Variants in MSRA observed in about 807,000 individuals in gnomAD.
The protein encoded by MSRA is methionine sulfoxide reductase A.
Under a neutral mutation model 31.3 loss-of-function variants are expected in MSRA, and 54 were observed. The observed-to-expected ratio is 1.73, with a 90% confidence interval of 1.39 to 2.17. The LOEUF is 2.17. Among genes scored for constraint, MSRA ranks in the 30% most tolerant of loss-of-function variants. The probability of loss-of-function intolerance (pLI) is 0.00; values close to 1 mark genes in which losing one functional copy is unlikely to be tolerated. For missense variants in MSRA, 507 were observed against 300.9 expected, an observed-to-expected ratio of 1.69 and a Z score of -5.07; for synonymous variants, 169 against 116.5, an observed-to-expected ratio of 1.45 and a Z score of -2.90.
At position 10,330,006 on chromosome 8, in the gene MSRA, A is replaced by ATGTGTGTGTGTG. The variant is rs72198519; in HGVS notation, c.543+10044_543+10055dup. Among the ~76,000 whole-genome samples, 646 of 135,460 alleles carry ATGTGTGTGTGTG rather than the reference A, an allele frequency of 4.8e-3. 8 individuals are homozygous for ATGTGTGTGTGTG. Among genetic ancestry groups the ATGTGTGTGTGTG allele is most frequent in the Non-Finnish European group, 6.9e-3 (437 of 63,694 alleles). The allele number at this position is 135,460 out of a possible 152,430, so 88.9% of individuals were successfully genotyped here. A position where few individuals can be genotyped will look rare whatever the true frequency, so the allele number is the denominator to read the frequency against. ...AGAAGGATATTTGGGAGAGAAAAAA[A>ATGTGTGTGTGTG]TGTGTGTGTGTGTGTGTGTGTGTGT... On this transcript the variant is annotated intron_variant, in intron 5 of 5. Transcript: ENST00000317173.
intron 3 of MSRA, among the ~76,000 whole-genome samples, chr8:10,263,492 G>A (rs1250589581): frequency 6.6e-6 from 1 of 152,226 alleles, no homozygotes; most frequent in African/African-American, 2.4e-5. Context: ...TGAAAACCCT[G>A]TATCTCCCTA....
chr8:10,198,938 A>G (rs1808238507), intron 1 of MSRA, among the ~76,000 whole-genome samples: 1 of 152,176 alleles, frequency 6.6e-6, no homozygotes, highest in African/African-American at 2.4e-5. Flanking sequence ...AGCTTGTCTC[A>G]CTGAAGCCTG....
At chr8:10,112,376 T>C (rs1800353182) in intron 1 of MSRA, among the ~76,000 whole-genome samples, 1 of 152,244 alleles carries the variant, frequency 6.6e-6, no homozygotes, top group Non-Finnish European at 1.5e-5. Context: ...TATAGAAGGC[T>C]ACCTCTCTCA....
At chr8:10,212,836 A>G (rs1376495785) in intron 2 of MSRA, among the ~76,000 whole-genome samples, 1 of 152,208 alleles carries the variant, frequency 6.6e-6, no homozygotes, top group Non-Finnish European at 1.5e-5. Flanking sequence ...ACACTGAAAC[A>G]TTTAAAAAAA....
At chr8:10,313,045 A>G (rs7829471) in intron 4 of MSRA, among the ~76,000 whole-genome samples, 3,634 of 152,278 alleles carry the variant, frequency 0.024, 100 homozygotes, top group African/African-American at 0.064. Context: ...ATGTATGCTG[A>G]TTGAAAAATC....
intron 2 of MSRA, among the ~76,000 whole-genome samples, chr8:10,227,018 C>T (rs1167607520): frequency 6.6e-6 from 1 of 152,178 alleles, no homozygotes; most frequent in Non-Finnish European, 1.5e-5. Context: ...GAGCAGAGGT[C>T]ATTCTGTCTA....
intron 1 of MSRA, among the ~76,000 whole-genome samples, chr8:10,186,737 C>T (rs1379840994): frequency 6.6e-6 from 1 of 151,976 alleles, no homozygotes; most frequent in Non-Finnish European, 1.5e-5. Flanking sequence ...ATGGGTGGGG[C>T]GGGGAGAGGT....
rs767923069 is a variant in MSRA, at chr8:10,245,215, T to C, written c.323T>C (p.Val108Ala). Residue 108 changes from valine (V) to alanine (A), a missense_variant, in exon 3 of 6, where the codon GTC (valine) becomes GCC (alanine). Coordinates refer to ENST00000317173, the MANE Select transcript of MSRA (RefSeq NM_012331.5). ...ACTTCAAATCCTACTTATAAAGAAG[T>C]CTGCTCAGGTAGGAAGAATTTGCTT... ...GYTSNPTYKE[V>A]CSEKTGHAEV... 21 of 1,613,152 alleles carry C rather than the reference T, an allele frequency of 1.3e-5. No individual in the cohort carries two copies. Among genetic ancestry groups the C allele is most frequent in the Admixed American group, 1.7e-5 (1 of 59,972 alleles).
At chr8:10,366,338 C>T (rs1233330630) in intron 5 of MSRA, among the ~76,000 whole-genome samples, 1 of 152,246 alleles carries the variant, frequency 6.6e-6, no homozygotes, top group African/African-American at 2.4e-5. Context: ...CTCTGTGCCA[C>T]AGGCAAGCCC....
At chr8:10,165,647 G>A (rs575778545) in intron 1 of MSRA, among the ~76,000 whole-genome samples, 1 of 152,142 alleles carries the variant, frequency 6.6e-6, no homozygotes, top group Non-Finnish European at 1.5e-5. Context: ...TCTGTAGACC[G>A]AGTCTACGTC....
chr8:10,411,591 C>T (rs559785992), intron 5 of MSRA: 5 of 152,206 alleles, frequency 3.3e-5, no homozygotes, highest in African/African-American at 1.2e-4. Flanking sequence ...TTTCTGCTTG[C>T]AAGCTGGTCA....
intron 5 of MSRA, among the ~76,000 whole-genome samples, chr8:10,323,319 C>G (rs1174307087): frequency 6.7e-6 from 1 of 148,530 alleles, no homozygotes; most frequent in African/African-American, 2.5e-5. Context: ...ATGATAATGC[C>G]ATCTATAAAC....
chr8:10,255,493 C>T (rs1051696308), intron 3 of MSRA, among the ~76,000 whole-genome samples: 3 of 152,180 alleles, frequency 2.0e-5, no homozygotes, highest in Non-Finnish European at 4.4e-5. Context: ...CCTTCCCCCT[C>T]GGTCCCGGCA....
At chr8:10,146,937 A>G (rs966653833) in intron 1 of MSRA, among the ~76,000 whole-genome samples, 11 of 152,148 alleles carry the variant, frequency 7.2e-5, no homozygotes, top group Non-Finnish European at 1.3e-4. Flanking sequence ...GCACATTCAC[A>G]CTATTGTTTA....
At chr8:10,371,267 G>T (rs1347054337) in intron 5 of MSRA, among the ~76,000 whole-genome samples, 2 of 152,236 alleles carry the variant, frequency 1.3e-5, no homozygotes, top group East Asian at 3.9e-4. Context: ...TCTAGAGATG[G>T]TGCAGTTTTA....
At chr8:10,255,694 A>C (rs1378046908) in intron 3 of MSRA, among the ~76,000 whole-genome samples, 1 of 152,032 alleles carries the variant, frequency 6.6e-6, no homozygotes, top group Non-Finnish European at 1.5e-5. Context: ...TCTGGGGAAC[A>C]ATCATCTGTC....
At chr8:10,121,198 A>C (rs921237296) in intron 1 of MSRA, among the ~76,000 whole-genome samples, 1 of 152,078 alleles carries the variant, frequency 6.6e-6, no homozygotes, top group African/African-American at 2.4e-5. Flanking sequence ...TGGTTTCTCA[A>C]TTTTTCTGTG....
At chr8:10,255,170 T>G (rs1202466142) in intron 3 of MSRA, among the ~76,000 whole-genome samples, 1 of 152,250 alleles carries the variant, frequency 6.6e-6, no homozygotes, top group Non-Finnish European at 1.5e-5. Context: ...AGGGCCAAGT[T>G]AACTTTGGGC....
intron 1 of MSRA, among the ~76,000 whole-genome samples, chr8:10,139,766 CT>C (rs1802550057): frequency 6.6e-6 from 1 of 152,140 alleles, no homozygotes; most frequent in African/African-American, 2.4e-5. Flanking sequence ...ATCCAGTCAT[CT>C]GGTGGTGGAC....
Sources: allele counts gnomAD v4.1 joint callset (sites outside exome capture counted in the v4.1 genomes callset), GRCh38; gene constraint gnomAD v4.1.1; transcripts MANE v1.5; gene names NCBI Gene and HGNC (gene_info 2026-07-23, HGNC 2026-07-21).